Variants in CALN1 observed in about 807,000 individuals in gnomAD.
The protein encoded by CALN1 is calneuron 1, also known as calcium-binding protein 8.
CALN1 carries 17 observed loss-of-function variants against 30.6 expected under a neutral mutation model. The observed-to-expected ratio is 0.56, with a 90% confidence interval of 0.38 to 0.83. The LOEUF is 0.83. CALN1 is among the 40% of genes least tolerant of loss of function. The probability of loss-of-function intolerance (pLI) is 0.00; values close to 1 mark genes in which losing one functional copy is unlikely to be tolerated. For missense variants in CALN1, 291 were observed against 354.9 expected (o/e 0.82, Z 1.45); for synonymous variants, 156 against 131.4 (o/e 1.19, Z -1.28).
chr7:72,031,865 C>T (rs1801465309), intron 4 of CALN1, among the ~76,000 whole-genome samples: 1 of 151,598 alleles, frequency 6.6e-6, no homozygotes, highest in African/African-American at 2.4e-5. Flanking sequence ...CCTCAGCCTC[C>T]CAAGTAGCTG....
chr7:72,020,989 G>T (rs1229015650), intron 5 of CALN1, among the ~76,000 whole-genome samples: 1 of 152,118 alleles, frequency 6.6e-6, no homozygotes, highest in Non-Finnish European at 1.5e-5. Flanking sequence ...GCATTCAGGG[G>T]CTCAGGTGCC....
intron 5 of CALN1, among the ~76,000 whole-genome samples, chr7:71,973,169 TG>T (rs1168192071): frequency 2.0e-5 from 3 of 152,048 alleles, no homozygotes; most frequent in Admixed American, 6.5e-5. Context: ...AATTCTGTTT[TG>T]GGTTTTTTTT....
At chr7:72,094,477 C>T (rs985460239) in intron 4 of CALN1, among the ~76,000 whole-genome samples, 1 of 152,160 alleles carries the variant, frequency 6.6e-6, no homozygotes, top group African/African-American at 2.4e-5. Context: ...TGGTCTCGAA[C>T]TCCTGACCTC....
At chr7:72,497,322 C>G in the CALN1 span, among the ~76,000 whole-genome samples, 1 of 152,302 alleles carries the variant, frequency 6.6e-6, no homozygotes, top group African/African-American at 2.4e-5. Context: ...CATCTGTAAT[C>G]CCAGCTACTC....
At position 71,784,651 on chromosome 7, in the gene CALN1, G is replaced by A; in HGVS notation, c.*3124C>T. The A allele has an allele frequency of 2.5e-6, 1 of 395,746 alleles. No individual in the cohort carries two copies. Among genetic ancestry groups the A allele is most frequent in the East Asian group, 3.6e-5 (1 of 27,936 alleles). 24.5% of individuals were successfully genotyped at this position (395,746 alleles called of 1,614,324 possible). A position where few individuals can be genotyped will look rare whatever the true frequency, so the allele number is the denominator to read the frequency against. On this transcript the variant is annotated 3_prime_UTR_variant, in exon 7 of 7. Coordinates refer to ENST00000395275, the MANE Select transcript of CALN1 (RefSeq NM_031468.4). ...GTGCTTTCCAGGGGGGCGGCGGGGG[G>A]TACCTGCTCTTGCAGCAAGAATGAG...
intron 1 of CALN1, among the ~76,000 whole-genome samples, chr7:72,438,705 C>A (rs546096245): frequency 1.4e-4 from 21 of 152,296 alleles, no homozygotes; most frequent in African/African-American, 5.1e-4. Flanking sequence ...CCGAGGGACA[C>A]TTCCAGGCCT....
intron 4 of CALN1, among the ~76,000 whole-genome samples, chr7:72,054,440 T>TATATACATATATACACAC (rs1464862351): frequency 6.4e-5 from 5 of 77,840 alleles, no homozygotes; most frequent in East Asian, 2.1e-4. Flanking sequence ...CACGTATATA[T>TATATACATATATACACAC]ATATATACAT....
At chr7:71,876,361 G>C (rs549320731) in intron 5 of CALN1, among the ~76,000 whole-genome samples, 1 of 152,070 alleles carries the variant, frequency 6.6e-6, no homozygotes, top group African/African-American at 2.4e-5. Flanking sequence ...CTCGTGTGTT[G>C]GCCCTTTCAC....
chr7:72,027,091 T>C (rs1457021647), intron 4 of CALN1, among the ~76,000 whole-genome samples: 1 of 152,126 alleles, frequency 6.6e-6, no homozygotes, highest in African/African-American at 2.4e-5. Flanking sequence ...CATTAGCCAA[T>C]GTTAGATATT....
At chr7:72,312,282 T>C (rs576512133) in intron 2 of CALN1, among the ~76,000 whole-genome samples, 1 of 151,092 alleles carries the variant, frequency 6.6e-6, no homozygotes, top group South Asian at 2.1e-4. Flanking sequence ...TGCATATCTG[T>C]AATCCCAGCT....
chr7:72,377,566 G>A (rs1804645591), intron 2 of CALN1, among the ~76,000 whole-genome samples: 1 of 151,860 alleles, frequency 6.6e-6, no homozygotes, highest in Non-Finnish European at 1.5e-5. Context: ...CTTGCTTAGG[G>A]GTTTGTTGTT....
At chr7:72,398,777 A>G (rs898335343) in intron 2 of CALN1, among the ~76,000 whole-genome samples, 7 of 152,230 alleles carry the variant, frequency 4.6e-5, no homozygotes, top group African/African-American at 1.7e-4. Flanking sequence ...TGCTCCAACC[A>G]AAGTGGGTCC....
intron 5 of CALN1, among the ~76,000 whole-genome samples, chr7:71,960,055 C>T (rs1797159905): frequency 6.6e-6 from 1 of 151,466 alleles, no homozygotes; most frequent in African/African-American, 2.4e-5. Context: ...AATCATTGAA[C>T]CCAGGAGGTG....
chr7:71,924,436 A>T (rs1584522886), intron 5 of CALN1, among the ~76,000 whole-genome samples: 1 of 102,678 alleles, frequency 9.7e-6, no homozygotes, highest in South Asian at 2.6e-4. Flanking sequence ...ATGTTTATAT[A>T]TTACTTTCAA....
chr7:72,393,315 T>C (rs903557182), intron 2 of CALN1, among the ~76,000 whole-genome samples: 2 of 151,806 alleles, frequency 1.3e-5, no homozygotes, highest in Non-Finnish European at 2.9e-5. Flanking sequence ...ATACAAGAAA[T>C]TAGCCGGGCA....
intron 5 of CALN1, among the ~76,000 whole-genome samples, chr7:71,891,040 C>T (rs747185903): frequency 1.3e-5 from 2 of 152,104 alleles, no homozygotes; most frequent in South Asian, 4.1e-4. Flanking sequence ...AGCCACCATG[C>T]CTGGCCTTGT....
intron 3 of CALN1, among the ~76,000 whole-genome samples, chr7:72,202,750 C>T (rs1791531560): frequency 6.6e-6 from 1 of 152,154 alleles, no homozygotes; most frequent in South Asian, 2.1e-4. Flanking sequence ...CAATAAGCAG[C>T]TTAAGAAAAA....
At chr7:71,797,391 G>A (rs1268183752) in intron 6 of CALN1, among the ~76,000 whole-genome samples, 1 of 152,110 alleles carries the variant, frequency 6.6e-6, no homozygotes, top group African/African-American at 2.4e-5. Flanking sequence ...ATGATTCTAT[G>A]AAATTGGCTA....
chr7:72,304,430 C>G (rs1260466730), intron 2 of CALN1, among the ~76,000 whole-genome samples: 4 of 152,110 alleles, frequency 2.6e-5, no homozygotes, highest in Non-Finnish European at 1.5e-5. Context: ...ATTGCCTGAG[C>G]CCAGGAGTTC....
Sources: gnomAD v4.1 joint callset for allele counts (sites outside exome capture counted in the v4.1 genomes callset) on GRCh38, gnomAD v4.1.1 for gene constraint, MANE v1.5 for transcripts, NCBI Gene and HGNC (gene_info 2026-07-23, HGNC 2026-07-21) for gene names.